Variants in UGT2B7 observed in about 807,000 individuals in gnomAD.
UGT2B7 encodes UDP-glucuronosyltransferase 2B7.
A neutral mutation model predicts 51.9 loss-of-function variants in UGT2B7; 51 were observed. The observed-to-expected ratio is 0.98, with a 90% confidence interval of 0.78 to 1.24. The LOEUF is 1.24. Ranked by LOEUF, UGT2B7 falls within the 50% of genes most tolerant of loss-of-function variation. The pLI, the probability that UGT2B7 is intolerant of heterozygous loss-of-function variation, is 0.00. For synonymous variants in UGT2B7, 225 were observed against 211.6 expected (o/e 1.06, Z -0.55); for missense variants, 727 against 628.4 (o/e 1.16, Z -1.68).
chr4:69,072,773 G>T (rs1279859429), intron 1 of UGT2B7, among the ~76,000 whole-genome samples: 1 of 152,040 alleles, frequency 6.6e-6, no homozygotes, highest in South Asian at 2.1e-4. Context: ...GGCAAAGGAG[G>T]AATATTTACA....
chr4:69,084,088 G>A (rs1377971011), intron 1 of UGT2B7, among the ~76,000 whole-genome samples: 1 of 152,032 alleles, frequency 6.6e-6, no homozygotes, highest in Non-Finnish European at 1.5e-5. Context: ...TCATCATGAA[G>A]AAATGTAAAT....
chr4:69,107,809 C>A (rs540873106), intron 4 of UGT2B7, among the ~76,000 whole-genome samples: 3 of 152,048 alleles, frequency 2.0e-5, no homozygotes, highest in African/African-American at 7.2e-5. Flanking sequence ...TAAGAGTTCA[C>A]TTCATGCCTA....
intron 2 of UGT2B7, 48 bp from the exon 3 acceptor site, chr4:69,102,759 C>T: frequency 6.3e-7 from 1 of 1,590,178 alleles, no homozygotes; most frequent in Non-Finnish European, 8.5e-7. Flanking sequence ...TTGGTAGTGC[C>T]CGCTGTGCTA....
Position 69,096,698 on chromosome 4 carries a change from G to T in UGT2B7, c.178G>T (p.Ala60Ser), listed in dbSNP as rs1314561243. 11 of 1,613,884 alleles carry T rather than the reference G, an allele frequency of 6.8e-6. No homozygotes were observed. The highest frequency in any genetic ancestry group is 7.6e-6 in the Non-Finnish European group (9 of 1,179,942). ...GHEVTVLASS[A>S]SILFDPNNSS... is the part of the protein sequence containing the mutation. ...TGAGGTGACTGTACTGGCATCTTCA[G>T]CTTCCATTCTTTTTGATCCCAACAA... The change falls in exon 1 of 6, where the codon GCT (alanine) becomes TCT (serine). Residue 60 changes from alanine to serine, a missense_variant. Physicochemically the swap from Ala to Ser is moderately conservative, Grantham distance 99. Transcript: ENST00000305231.
In UGT2B7 at chr4:69,057,911, A is replaced by G. The variant is rs1007441996; in HGVS notation, c.-159+6309A>G. Among the ~76,000 whole-genome samples the G allele has an allele frequency of 2.0e-5, 3 of 152,210 alleles. No homozygotes were observed. In the South Asian group the frequency reaches 6.2e-4, roughly 32 times the overall value. ...GCCAAATGTACTTATAGATAGGGACACAATTGGCCCTGTGTTTAAGGTGGT... is the reference window on the plus strand; with the variant it reads ...GCCAAATGTACTTATAGATAGGGACGCAATTGGCCCTGTGTTTAAGGTGGT... On this transcript the variant is annotated intron_variant, in intron 1 of 5. Transcript: ENST00000502942.
intron 1 of UGT2B7, among the ~76,000 whole-genome samples, chr4:69,076,424 C>G (rs1458507910): frequency 1.3e-5 from 2 of 152,198 alleles, no homozygotes; most frequent in African/African-American, 4.8e-5. Flanking sequence ...TCCTATTTCT[C>G]CACATCCTCT....
At chr4:69,091,419 AAAT>A (rs1467869099) in intron 2 of UGT2B7, among the ~76,000 whole-genome samples, 6 of 152,130 alleles carry the variant, frequency 3.9e-5, no homozygotes, top group African/African-American at 1.4e-4. Flanking sequence ...CTGTCATTGA[AAAT>A]ATAGATTAGT....
At chr4:69,103,759 G>C (rs748493856) in intron 3 of UGT2B7, among the ~76,000 whole-genome samples, 7 of 152,126 alleles carry the variant, frequency 4.6e-5, no homozygotes, top group Non-Finnish European at 8.8e-5. Flanking sequence ...AGCTCTTGGT[G>C]AATGTTTACG....
chr4:69,070,110 A>G (rs1470322761), intron 1 of UGT2B7, among the ~76,000 whole-genome samples: 1 of 151,448 alleles, frequency 6.6e-6, no homozygotes, highest in Non-Finnish European at 1.5e-5. Flanking sequence ...ATCTACGTAT[A>G]TTTTTTAAAC....
intron 1 of UGT2B7, among the ~76,000 whole-genome samples, chr4:69,084,283 T>G (rs2109875489): frequency 6.6e-6 from 1 of 152,058 alleles, no homozygotes; most frequent in South Asian, 2.1e-4. Context: ...GGCTAGAAGT[T>G]GAGTATTTTT....
intron 1 of UGT2B7, among the ~76,000 whole-genome samples, chr4:69,071,496 A>T (rs559909895): frequency 6.6e-6 from 1 of 152,104 alleles, no homozygotes. Flanking sequence ...TGGACTCAGA[A>T]CAAGGTTTGA....
intron 1 of UGT2B7, among the ~76,000 whole-genome samples, chr4:69,064,036 G>GAC (rs1374188504): frequency 1.3e-5 from 1 of 79,728 alleles, no homozygotes; most frequent in African/African-American, 7.5e-5. Flanking sequence ...AAGAAAGAAA[G>GAC]AAAGAAAGAA....
In UGT2B7 at chr4:69,108,395, C is replaced by T. The variant is rs1719677059; in HGVS notation, c.1310+73C>T. ...TCTTGTCAATAGTGAGTGTGAGTTT[C>T]ATCCTTTTTATAAGAGACTAATTTT... On this transcript the variant is annotated intron_variant, in intron 5 of 5. Coordinates refer to ENST00000305231, the MANE Select transcript of UGT2B7 (RefSeq NM_001074.4). 3.9e-6 allele frequency: 6 copies of T among 1,525,746 alleles called. No individual in the cohort carries two copies. In the Admixed American group the frequency reaches 7.2e-5, roughly 18 times the overall value. The allele number at this position is 1,525,746 out of a possible 1,614,324, so 94.5% of individuals were successfully genotyped here.
chr4:69,093,712 T>C (rs1243271859), upstream of UGT2B7, among the ~76,000 whole-genome samples: 5 of 152,202 alleles, frequency 3.3e-5, no homozygotes, highest in Non-Finnish European at 7.3e-5. Context: ...TACAAAAATC[T>C]GTGAAAGAAG....
At chr4:69,104,830 G>T (rs1719544830) in intron 3 of UGT2B7, among the ~76,000 whole-genome samples, 1 of 152,156 alleles carries the variant, frequency 6.6e-6, no homozygotes, top group Non-Finnish European at 1.5e-5. Flanking sequence ...AATAACAATA[G>T]CAGGTATTTC....
At chr4:69,089,938 T>C (rs982385991) in intron 2 of UGT2B7, among the ~76,000 whole-genome samples, 3 of 152,168 alleles carry the variant, frequency 2.0e-5, no homozygotes, top group Non-Finnish European at 4.4e-5. Context: ...TGAAGTGTAC[T>C]AACTCCAAGG....
rs1560499767 is a variant in UGT2B7, at chr4:69,064,098, GAAAGAAAGAA to G, written c.-159+12498_-159+12507del. Reference sequence around the variant, plus strand: ...AAAGAAAGAAAGAAAGAAAGAAAGAGAAAGAAAGAAAGAAAAAGAAAGAAAGAAAGAAAGA... The same window carrying G: ...AAAGAAAGAAAGAAAGAAAGAAAGAGAGAAAAAGAAAGAAAGAAAGAAAGA... On this transcript the variant is annotated intron_variant, in intron 1 of 5. Coordinates refer to the UGT2B7 transcript ENST00000502942. 2.5e-3 allele frequency among the ~76,000 whole-genome samples: 223 copies of G among 90,088 alleles called. 5 individuals carry two copies. The highest frequency in any genetic ancestry group is 7.0e-3 in the African/African-American group (141 of 20,004). 59.1% of individuals were successfully genotyped at this position (90,088 alleles called of 152,430 possible).
intron 1 of UGT2B7, among the ~76,000 whole-genome samples, chr4:69,063,312 C>A (rs1166252809): frequency 8.5e-5 from 3 of 35,250 alleles, no homozygotes; most frequent in African/African-American, 2.9e-4. Flanking sequence ...GAGCGAGACT[C>A]CGTCTCAAAA....
chr4:69,076,268 G>T (rs1286771639), intron 1 of UGT2B7, among the ~76,000 whole-genome samples: 1 of 152,142 alleles, frequency 6.6e-6, no homozygotes, highest in African/African-American at 2.4e-5. Flanking sequence ...ATAATAGAAT[G>T]ATGTATTTTA....
Sources: allele counts gnomAD v4.1 joint callset (sites outside exome capture counted in the v4.1 genomes callset), GRCh38; gene constraint gnomAD v4.1.1; transcripts MANE v1.5; gene names NCBI Gene and HGNC (gene_info 2026-07-23, HGNC 2026-07-21).